Variants in GORAB observed in about 807,000 individuals in gnomAD.
GORAB encodes the protein golgin, RAB6 interacting, also known as RAB6-interacting golgin.
A neutral mutation model predicts 29.9 loss-of-function variants in GORAB; 17 were observed. The ratio of observed to expected loss-of-function variants is 0.57; its 90% CI spans 0.39 to 0.85. The LOEUF is 0.85. Among genes scored for constraint, GORAB ranks in the 40% least tolerant of loss-of-function variants. The probability of loss-of-function intolerance (pLI) is 0.00; values close to 1 mark genes in which losing one functional copy is unlikely to be tolerated. For synonymous variants in GORAB, 183 were observed against 157.2 expected (o/e 1.16, Z -1.23); for missense variants, 442 against 437.8 (o/e 1.01, Z -0.09).
intron 3 of GORAB, 52 bp downstream of exon 3, chr1:170,542,644 C>T (rs764657087): frequency 2.6e-6 from 3 of 1,142,592 alleles, no homozygotes; most frequent in Admixed American, 3.4e-5. Flanking sequence ...CCAGTTGTGT[C>T]ATGTGTTATA....
chr1:170,539,085 T>C, intron 1 of GORAB, 125 bp from the exon 2 acceptor site: 3 of 1,161,544 alleles, frequency 2.6e-6, no homozygotes, highest in East Asian at 2.5e-5. Context: ...ACTTTCAAGA[T>C]AGAGAATGGG....
At chr1:170,548,667 C>T (rs901815125) in intron 4 of GORAB, among the ~76,000 whole-genome samples, 4 of 152,122 alleles carry the variant, frequency 2.6e-5, no homozygotes, top group Admixed American at 2.6e-4. Context: ...TAAAGAAGCT[C>T]AACAATGATA....
intron 1 of GORAB, among the ~76,000 whole-genome samples, chr1:170,535,904 T>G (rs925209028): frequency 2.0e-5 from 3 of 152,136 alleles, no homozygotes; most frequent in African/African-American, 7.2e-5. Flanking sequence ...TAGCCAACAT[T>G]TCCATGTCTT....
intron 4 of GORAB, chr1:170,545,342 A>G: frequency 6.2e-6 from 6 of 962,890 alleles, no homozygotes; most frequent in Non-Finnish European, 7.4e-6. Context: ...TATTTTAAGC[A>G]TATCCTCTGT....
At chr1:170,546,649 G>A (rs1649780480) in intron 4 of GORAB, among the ~76,000 whole-genome samples, 1 of 152,044 alleles carries the variant, frequency 6.6e-6, no homozygotes, top group Non-Finnish European at 1.5e-5. Context: ...TGATGTAGTT[G>A]AATGTAAGTA....
chr1:170,552,392 G>A lies in GORAB; in HGVS notation c.1040G>A (p.Ser347Asn), dbSNP rs138456443. The change falls in exon 5 of 5, where the codon AGC becomes AAC. Residue 347 changes from serine (S) to asparagine (N), a missense_variant. Ser to Asn is a conservative substitution (Grantham distance 46, BLOSUM62 1). Coordinates refer to ENST00000367763, the MANE Select transcript of GORAB (RefSeq NM_152281.3). Reference protein sequence around the residue: ...KVDDQCGNSSSIPFLSPNCPN... With the variant: ...KVDDQCGNSSNIPFLSPNCPN... The stretch of plus-strand genomic sequence containing the variant: ...GATGACCAGTGTGGAAATTCCAGTA[G>A]CATCCCCTTTCTTAGTCCAAACTGC... 50 of 1,613,984 alleles carry A rather than the reference G, an allele frequency of 3.1e-5. No individual in the cohort carries two copies. Among genetic ancestry groups the A allele is most frequent in the Non-Finnish European group, 4.2e-5 (50 of 1,179,954 alleles).
intron 4 of GORAB, among the ~76,000 whole-genome samples, chr1:170,549,593 T>C (rs565275801): frequency 1.7e-4 from 26 of 152,242 alleles, no homozygotes; most frequent in Middle Eastern, 3.4e-3. Context: ...AGGGTATTCA[T>C]ACACCTATAG....
rs1649022594 is a variant in GORAB, at chr1:170,535,756, C to T, written c.62-3454C>T. Among the ~76,000 whole-genome samples, 4 of 151,776 alleles carry T rather than the reference C, an allele frequency of 2.6e-5. No individual in the cohort carries two copies. In the South Asian group the frequency reaches 8.3e-4, roughly 32 times the overall value. ...TTTTTTCTGTAGGGATAGGATCTTG[C>T]TATTTTGCCTAGGTTGGTCTCAAAC... On this transcript the variant is annotated intron_variant, in intron 1 of 4. Coordinates refer to ENST00000367763, the MANE Select transcript of GORAB (RefSeq NM_152281.3).
Position 170,533,333 on chromosome 1 carries a change from C to G in GORAB, c.61+1049C>G. The G allele has an allele frequency of 1.6e-5, 4 of 243,698 alleles. No individual in the cohort carries two copies. The South Asian group carries it at 1.9e-4, about 12-fold the overall frequency. The allele number at this position is 243,698 out of a possible 1,614,324, so 15.1% of individuals were successfully genotyped here. A position where few individuals can be genotyped will look rare whatever the true frequency, so the allele number is the denominator to read the frequency against. On this transcript the variant is annotated intron_variant, in intron 1 of 4. Transcript: ENST00000367763. ...ATCGACTGGGGACATTTTGACTGGTCCAGGGGACTTTAAAAACTCTATCAT... is the reference window on the plus strand; with the variant it reads ...ATCGACTGGGGACATTTTGACTGGTGCAGGGGACTTTAAAAACTCTATCAT...
Position 170,552,449 on chromosome 1 carries a change from C to A in GORAB, c.1097C>A (p.Ala366Asp), listed in dbSNP as rs766761454. The A allele has an allele frequency of 1.2e-6, 2 of 1,613,658 alleles. No individual in the cohort carries two copies. Among genetic ancestry groups the A allele is most frequent in the Admixed American group, 3.3e-5 (2 of 60,018 alleles). ...CAAGAAGGTAATGACATTTCAGCTG[C>A]TTTGGCCACATGAAGTTCTGGTATT... is the stretch of plus-strand genomic sequence containing the variant. ...PNQEGNDISA[A>D]LAT Residue 366 changes from alanine to aspartate, a missense_variant, in exon 5 of 5, where the codon GCT (alanine) becomes GAT (aspartate). Transcript: ENST00000367763.
chr1:170,547,433 A>G (rs992810215), intron 4 of GORAB, among the ~76,000 whole-genome samples: 1 of 151,802 alleles, frequency 6.6e-6, no homozygotes, highest in African/African-American at 2.4e-5. Context: ...TACTGCTGCT[A>G]CTGCTGCTAC....
chr1:170,547,406 GCTGCTGCTACTGCTGCTA>G (rs56089801), intron 4 of GORAB, among the ~76,000 whole-genome samples: 9,084 of 149,664 alleles, frequency 0.061, 762 homozygotes, highest in African/African-American at 0.19. Context: ...TGCTGCTGCT[GCTGCTGCTACTGCTGCTA>G]CTGCTGCTAC....
intron 4 of GORAB, 30 bp downstream of exon 4, chr1:170,544,875 G>C (rs546125888): frequency 6.3e-7 from 1 of 1,594,164 alleles, no homozygotes; most frequent in Admixed American, 1.7e-5. Context: ...TCTGAACAAG[G>C]AGTATGATTT....
At position 170,539,428 on chromosome 1, in the gene GORAB, C is replaced by G. The variant is rs764152549; in HGVS notation, c.280C>G (p.Pro94Ala). Residue 94 changes from proline to alanine, a missense_variant, in exon 2 of 5, where the codon CCC (proline) becomes GCC (alanine). Transcript: ENST00000367763. Reference protein sequence around the residue: ...TLPSHFTLTSPVGDGQPQGIE... With the variant: ...TLPSHFTLTSAVGDGQPQGIE... ...TCCGAGTCATTTCACTCTCACCTCCCCCGTTGGTGATGGACAACCACAGGG... is the reference window on the plus strand; with the variant it reads ...TCCGAGTCATTTCACTCTCACCTCCGCCGTTGGTGATGGACAACCACAGGG... 30 of 1,613,974 alleles carry G rather than the reference C, an allele frequency of 1.9e-5. No individual in the cohort carries two copies. The South Asian group carries it at 3.1e-4, about 17-fold the overall frequency.
At chr1:170,533,247 A>T (rs910273223) in intron 1 of GORAB, among the ~76,000 whole-genome samples, 10 of 152,202 alleles carry the variant, frequency 6.6e-5, no homozygotes, top group Non-Finnish European at 1.5e-4. Context: ...ATATGAGAAT[A>T]ATCTAGGGCA....
chr1:170,532,731 T>TA (rs779182845), intron 1 of GORAB: 1 of 185,100 alleles, frequency 5.4e-6, no homozygotes, highest in Non-Finnish European at 1.2e-5. Flanking sequence ...GGCGTCTGAA[T>TA]AAAGGCAAAA....
chr1:170,538,500 T>C (rs755546230), intron 1 of GORAB, among the ~76,000 whole-genome samples: 1 of 152,188 alleles, frequency 6.6e-6, no homozygotes, highest in Non-Finnish European at 1.5e-5. Flanking sequence ...AGAAGTGTTA[T>C]TATTTATAAC....
intron 1 of GORAB, chr1:170,533,689 C>A: frequency 2.5e-6 from 1 of 393,762 alleles, no homozygotes. Context: ...AATTAAACAA[C>A]ATATTCATTA....
At chr1:170,540,036 GCT>G (rs1649318500) in intron 2 of GORAB, among the ~76,000 whole-genome samples, 1 of 149,982 alleles carries the variant, frequency 6.7e-6, no homozygotes, top group African/African-American at 2.5e-5. Flanking sequence ...CGCAATCACA[GCT>G]CAGAAGCAGT....
Sources: gnomAD v4.1 joint callset for allele counts (sites outside exome capture counted in the v4.1 genomes callset) on GRCh38, gnomAD v4.1.1 for gene constraint, MANE v1.5 for transcripts, NCBI Gene and HGNC (gene_info 2026-07-23, HGNC 2026-07-21) for gene names.